Variants in UBQLN1 observed in about 807,000 individuals in gnomAD.
UBQLN1 encodes the protein ubiquilin 1.
In UBQLN1, 13 loss-of-function variants were observed where a neutral mutation model predicts 65.4. That is an observed-to-expected ratio of 0.20 (90% confidence interval 0.13 to 0.32). The LOEUF is 0.32. Among genes scored for constraint, UBQLN1 ranks in the 10% least tolerant of loss-of-function variants. UBQLN1 has a pLI of 1.00. For missense variants in UBQLN1, 561 were observed against 724.0 expected (o/e 0.77, Z 2.58); for synonymous variants, 267 against 247.8 (o/e 1.08, Z -0.73).
At chr9:83,691,988 A>G (rs530797831) in intron 1 of UBQLN1, among the ~76,000 whole-genome samples, 3 of 152,356 alleles carry the variant, frequency 2.0e-5, no homozygotes, top group Middle Eastern at 3.4e-3. Context: ...TTTAGATACT[A>G]GAACCACTTC....
chr9:83,665,177 G>C (rs779931062), intron 8 of UBQLN1, 32 bp from the exon 9 acceptor site: 3 of 1,502,030 alleles, frequency 2.0e-6, no homozygotes, highest in Non-Finnish European at 2.7e-6. Context: ...TGGTTACAAA[G>C]GAATTAAAAT....
intron 8 of UBQLN1, among the ~76,000 whole-genome samples, chr9:83,665,728 C>A (rs1470404756): frequency 1.3e-5 from 2 of 152,168 alleles, no homozygotes; most frequent in Non-Finnish European, 2.9e-5. Flanking sequence ...GTCTGAGAGT[C>A]ATTTGCATAA....
rs1380136732 is a variant in UBQLN1 at position 83,660,989 on chromosome 9, T to G, written c.*798A>C. ...GGGGTATACTACAGTGTTCCTTCAG[T>G]CTGCACAAAGATTAAGGTAATTTAC... On this transcript the variant is annotated 3_prime_UTR_variant, in exon 11 of 11. Transcript: ENST00000376395. The G allele has an allele frequency of 2.6e-5, 4 of 152,272 alleles. No individual in the cohort carries two copies. Among genetic ancestry groups the G allele is most frequent in the African/African-American group, 9.7e-5 (4 of 41,448 alleles). The allele number at this position is 152,272 out of a possible 1,614,324, so 9.4% of individuals were successfully genotyped here. A position where few individuals can be genotyped will look rare whatever the true frequency, so the allele number is the denominator to read the frequency against.
intron 1 of UBQLN1, among the ~76,000 whole-genome samples, chr9:83,686,370 T>C (rs1564168234): frequency 6.6e-6 from 1 of 152,040 alleles, no homozygotes. Context: ...CCAGCCTGGG[T>C]GACAGAGTGA....
intron 6 of UBQLN1, among the ~76,000 whole-genome samples, chr9:83,677,342 C>A (rs1831850794): frequency 6.6e-6 from 1 of 152,198 alleles, no homozygotes; most frequent in Non-Finnish European, 1.5e-5. Context: ...GCAGGCGGAT[C>A]ACCTGAGGTC....
intron 6 of UBQLN1, among the ~76,000 whole-genome samples, chr9:83,673,803 G>GT (rs1831780810): frequency 6.6e-6 from 1 of 152,034 alleles, no homozygotes; most frequent in Non-Finnish European, 1.5e-5. Flanking sequence ...CCTTCATACT[G>GT]TTATTTGTTT....
chr9:83,664,082 CA>C (rs1325293069), intron 9 of UBQLN1, 39 bp from the exon 10 acceptor site: 5 of 1,578,262 alleles, frequency 3.2e-6, no homozygotes, highest in Non-Finnish European at 4.3e-6. Context: ...TAAGGTCCTG[CA>C]AAACCAGAAG....
intron 1 of UBQLN1, among the ~76,000 whole-genome samples, chr9:83,695,959 G>C (rs1185784972): frequency 1.4e-5 from 2 of 143,142 alleles, no homozygotes; most frequent in East Asian, 4.0e-4. Context: ...TTTTTTTTTT[G>C]AGTCGGAGTC....
At chr9:83,701,796 A>C (rs535195377) in intron 1 of UBQLN1, among the ~76,000 whole-genome samples, 7 of 142,434 alleles carry the variant, frequency 4.9e-5, no homozygotes, top group African/African-American at 1.8e-4. Flanking sequence ...TTGACCCAGC[A>C]ATTTCCACTC....
intron 1 of UBQLN1, among the ~76,000 whole-genome samples, chr9:83,691,010 C>T (rs976820061): frequency 1.5e-4 from 23 of 151,854 alleles, no homozygotes. Context: ...TCGTGGCACA[C>T]ACCTGCAATC....
At chr9:83,687,016 G>A (rs1261581313) in intron 1 of UBQLN1, among the ~76,000 whole-genome samples, 1 of 151,648 alleles carries the variant, frequency 6.6e-6, no homozygotes, top group Non-Finnish European at 1.5e-5. Context: ...TACTTAATCT[G>A]TATTATACTG....
At chr9:83,669,039 G>A (rs993986737) in intron 7 of UBQLN1, 146 bp downstream of exon 7, 34 of 899,436 alleles carry the variant, frequency 3.8e-5, no homozygotes, top group Admixed American at 2.2e-4. Context: ...GAAACACACG[G>A]TCTAAAAAAT....
chr9:83,690,135 C>T (rs1832102391), intron 1 of UBQLN1, among the ~76,000 whole-genome samples: 2 of 152,142 alleles, frequency 1.3e-5, no homozygotes, highest in South Asian at 2.1e-4. Context: ...TACATGTCCA[C>T]AAAAAATACA....
chr9:83,704,389 T>C (rs1705751896), intron 1 of UBQLN1, among the ~76,000 whole-genome samples: 1 of 152,244 alleles, frequency 6.6e-6, no homozygotes, highest in South Asian at 2.1e-4. Context: ...AAAGCCCAAC[T>C]TGTCTACAGG....
chr9:83,667,760 A>G, intron 7 of UBQLN1: 1 of 977,782 alleles, frequency 1.0e-6, no homozygotes. Flanking sequence ...GAGTGCTTAT[A>G]CCACAAGTTT....
At chr9:83,674,313 G>A (rs1831792708) in intron 6 of UBQLN1, among the ~76,000 whole-genome samples, 1 of 152,132 alleles carries the variant, frequency 6.6e-6, no homozygotes, top group South Asian at 2.1e-4. Context: ...GGCAAAACTT[G>A]TGTTTCTTAT....
In UBQLN1 at chr9:83,693,613, T is replaced by C. The variant is rs1832163198; in HGVS notation, c.181-7458A>G. Among the ~76,000 whole-genome samples, 4 of 152,204 alleles carry C rather than the reference T, an allele frequency of 2.6e-5. No homozygotes were observed. The South Asian group carries it at 8.3e-4, about 31-fold the overall frequency. Reference sequence around the variant, plus strand: ...ATCAAATAAGAGTACGCAGAGAATGTGAAATGCTGCCCTGAAATGAAAATG... The same window carrying C: ...ATCAAATAAGAGTACGCAGAGAATGCGAAATGCTGCCCTGAAATGAAAATG... On this transcript the variant is annotated intron_variant, in intron 1 of 10. Transcript: ENST00000376395.
chr9:83,683,824 C>T (rs1430858443), intron 2 of UBQLN1, among the ~76,000 whole-genome samples: 1 of 152,122 alleles, frequency 6.6e-6, no homozygotes, highest in Non-Finnish European at 1.5e-5. Flanking sequence ...GAGTTCAAGA[C>T]CAGTCTGGCC....
chr9:83,677,399 C>T (rs1831851816), intron 6 of UBQLN1, among the ~76,000 whole-genome samples: 1 of 152,140 alleles, frequency 6.6e-6, no homozygotes, highest in South Asian at 2.1e-4. Context: ...CCTGTCTCTA[C>T]TAAAAATACA....
Sources: gnomAD v4.1 joint callset for allele counts (sites outside exome capture counted in the v4.1 genomes callset) on GRCh38, gnomAD v4.1.1 for gene constraint, MANE v1.5 for transcripts, NCBI Gene and HGNC (gene_info 2026-07-23, HGNC 2026-07-21) for gene names.